The following PER2 variants were observed in gnomAD, a reference collection of about 807,000 sequenced individuals.
PER2 encodes the protein period circadian protein homolog 2.
PER2 carries 66 observed loss-of-function variants against 121.0 expected under a neutral mutation model. That is an observed-to-expected ratio of 0.55 (90% CI 0.45 to 0.67). PER2 has a LOEUF of 0.67. PER2 is among the 30% of genes least tolerant of loss of function. The pLI is 0.00. For missense variants in PER2, 1,521 were observed against 1,635.0 expected, an observed-to-expected ratio of 0.93 and a Z score of 1.20; for synonymous variants, 684 against 659.9, an observed-to-expected ratio of 1.04 and a Z score of -0.56.
At chr2:238,262,083 G>T in intron 11 of PER2, 108 bp downstream of exon 11, 2 of 1,144,080 alleles carry the variant, frequency 1.7e-6, no homozygotes, top group Non-Finnish European at 2.6e-6. Flanking sequence ...CAAGGTTTCG[G>T]TCTTGGCCTC....
intron 19 of PER2, 25 bp from the exon 20 acceptor site, chr2:238,251,786 G>A: frequency 6.4e-7 from 1 of 1,559,624 alleles, no homozygotes; most frequent in Non-Finnish European, 8.8e-7. Context: ...AGCAGATACT[G>A]CTGTTCAGGG....
In PER2 at chr2:238,255,751, C is replaced by T. The variant is rs1204216059; in HGVS notation, c.2226G>A (p.Leu742=). The change falls in exon 18 of 23, where the codon CTG becomes CTA. Residue 742 remains leucine, a synonymous_variant. Transcript: ENST00000254657. ...GTTTTCTTATTTCTTTGAACTTCTG[C>T]AGGAAGCTCTGCTCCTCCTTCTGTG... ...AHTQKEEQSF[L]QKFKEIRKLS... is the part of the protein sequence containing the mutation. The T allele has an allele frequency of 1.2e-6, 2 of 1,614,228 alleles. No individual in the cohort carries two copies. The highest frequency in any genetic ancestry group is 1.7e-6 in the Non-Finnish European group (2 of 1,180,036).
intron 13 of PER2, among the ~76,000 whole-genome samples, chr2:238,260,583 A>G (rs1479519634): frequency 6.6e-6 from 1 of 152,168 alleles, no homozygotes; most frequent in East Asian, 1.9e-4. Context: ...ATCCTAGTTA[A>G]ATCTTCACTT....
rs758674408 is a variant in PER2 at position 238,260,013 on chromosome 2, T to C, written c.1583A>G (p.His528Arg). The C allele has an allele frequency of 6.0e-6, 9 of 1,511,308 alleles. No individual in the cohort carries two copies. The highest frequency in any genetic ancestry group is 1.2e-5 in the South Asian group (1 of 86,844). The allele number at this position is 1,511,308 out of a possible 1,614,324, so 93.6% of individuals were successfully genotyped here. A position where few individuals can be genotyped will look rare whatever the true frequency, so the allele number is the denominator to read the frequency against. The change falls in exon 14 of 23, where the codon CAT (histidine) becomes CGT (arginine). Residue 528 changes from histidine to arginine, a missense_variant. Physicochemically the swap from His to Arg is conservative, Grantham distance 29. Coordinates refer to ENST00000254657, the MANE Select transcript of PER2 (RefSeq NM_022817.3). ...KNGNKTKNRS[H>R]YSHESGEQKK... The stretch of plus-strand genomic sequence containing the variant: ...TTGTTCTCCAGATTCATGAGAATAA[T>C]GACTTCTATTTTTGGTCTTGTTACC...
rs951841147 is a variant in PER2 at position 238,288,561 on chromosome 2, G to A, written c.-232C>T. The stretch of plus-strand genomic sequence containing the variant: ...CGGCGGCGCCTCCGCTGCCCGAGCC[G>A]GCGCTGGGACCCCGACCTGCCCGAG... On this transcript the variant is annotated 5_prime_UTR_variant, in exon 1 of 23. Transcript: ENST00000254657. The A allele has an allele frequency of 6.6e-6, 1 of 151,536 alleles. No individual in the cohort carries two copies. The highest frequency in any genetic ancestry group is 6.6e-5 in the Admixed American group (1 of 15,226). 9.4% of individuals were successfully genotyped at this position (151,536 alleles called of 1,614,324 possible).
At chr2:238,266,048 C>A (rs374169501) in intron 8 of PER2, among the ~76,000 whole-genome samples, 2 of 152,056 alleles carry the variant, frequency 1.3e-5, no homozygotes, top group Non-Finnish European at 2.9e-5. Flanking sequence ...GGACTACAGG[C>A]GTGTGCCACC....
chr2:238,268,822 C>T lies in PER2; in HGVS notation c.824+101G>A, dbSNP rs1696193680. 2.4e-6 allele frequency: 2 copies of T among 847,402 alleles called. No individual in the cohort carries two copies. The highest frequency in any genetic ancestry group is 3.4e-5 in the African/African-American group (2 of 59,678). The allele number at this position is 847,402 out of a possible 1,614,324, so 52.5% of individuals were successfully genotyped here. A position where few individuals can be genotyped will look rare whatever the true frequency, so the allele number is the denominator to read the frequency against. On this transcript the variant is annotated intron_variant, in intron 7 of 22. Transcript: ENST00000254657. The surrounding 1 kb of genome is among the most constrained non-coding windows in gnomAD (Gnocchi z 4.0). Reference sequence around the variant, plus strand: ...ACTTCAGAAACAGGCGTGCTGAGTCCCTGCAGGCAGGGATCACGCCCCCCA... The same window carrying T: ...ACTTCAGAAACAGGCGTGCTGAGTCTCTGCAGGCAGGGATCACGCCCCCCA...
chr2:238,272,014 C>G (rs757025406), intron 5 of PER2, among the ~76,000 whole-genome samples: 3 of 152,188 alleles, frequency 2.0e-5, no homozygotes, highest in Non-Finnish European at 4.4e-5. Flanking sequence ...CATATACTCT[C>G]AGTCTGTAAG....
intron 22 of PER2, among the ~76,000 whole-genome samples, chr2:238,248,813 G>A (rs889500177): frequency 2.0e-5 from 3 of 152,026 alleles, no homozygotes; most frequent in Non-Finnish European, 4.4e-5. Flanking sequence ...CCGCCACCAC[G>A]CCCAGCTAAT....
Position 238,246,614 on chromosome 2 carries a change from C to T in PER2, c.3619-90G>A, listed in dbSNP as rs536148212. On this transcript the variant is annotated intron_variant, in intron 22 of 22. Coordinates refer to ENST00000254657, the MANE Select transcript of PER2 (RefSeq NM_022817.3). ...CAAATTGGCCGGGCGCGGTGGCTCA[C>T]GCCTGTAATCCCAGCACTTTGGGAG... The T allele has an allele frequency of 7.6e-5, 64 of 847,238 alleles. 1 individual carries two copies. Among genetic ancestry groups the T allele is most frequent in the South Asian group, 6.1e-4 (45 of 73,426 alleles). 52.5% of individuals were successfully genotyped at this position (847,238 alleles called of 1,614,324 possible).
chr2:238,256,043 G>C, intron 17 of PER2, 132 bp from the exon 18 acceptor site: 1 of 1,143,326 alleles, frequency 8.7e-7, no homozygotes, highest in Non-Finnish European at 1.3e-6. Flanking sequence ...ATGAGGATGA[G>C]ACTCACAGCG....
intron 8 of PER2, among the ~76,000 whole-genome samples, chr2:238,267,464 G>A (rs1696145625): frequency 6.6e-6 from 1 of 152,232 alleles, no homozygotes; most frequent in Non-Finnish European, 1.5e-5. Flanking sequence ...GGTCCAGAAT[G>A]CTGGGCATAC....
Position 238,253,191 on chromosome 2 carries a change from G to A in PER2, c.2832C>T (p.Ala944=), listed in dbSNP as rs764368089. 4.4e-6 allele frequency: 7 copies of A among 1,594,550 alleles called. No homozygotes were observed. In the African/African-American group the frequency reaches 8.0e-5, roughly 18 times the overall value. Residue 944 remains alanine, a synonymous_variant, in exon 19 of 23, where the codon GCC becomes GCT. Transcript: ENST00000254657. The surrounding 1 kb of genome is among the most constrained non-coding windows in gnomAD (Gnocchi z 5.6). The part of the protein sequence containing the change: ...HPTLTSEMAS[A]SQPEFPSRTS... ...TCCGGCTGGGGAACTCAGGCTGTGAGGCAGAGGCCATCTCGGATGTGAGTG... is the reference window on the plus strand; with the variant it reads ...TCCGGCTGGGGAACTCAGGCTGTGAAGCAGAGGCCATCTCGGATGTGAGTG...
chr2:238,266,628 CTAAG>C (rs1252361539), intron 8 of PER2, among the ~76,000 whole-genome samples: 4 of 152,206 alleles, frequency 2.6e-5, no homozygotes, highest in Non-Finnish European at 5.9e-5. Context: ...TTGTTGAACT[CTAAG>C]TACCCTCTCT....
chr2:238,283,890 G>C (rs995596144), intron 1 of PER2, among the ~76,000 whole-genome samples: 8 of 152,228 alleles, frequency 5.3e-5, no homozygotes, highest in Non-Finnish European at 1.0e-4. Flanking sequence ...TCTGCTCTGA[G>C]TGAGTCATTA....
rs142267174 is a variant in PER2, at chr2:238,253,011, A to G, written c.3012T>C (p.Thr1004=). The G allele has an allele frequency of 1.4e-4, 223 of 1,613,880 alleles. 1 individual carries two copies. The African/African-American group carries it at 2.7e-3, about 20-fold the overall frequency. Residue 1004 remains threonine (T), a synonymous_variant, in exon 19 of 23, where the codon ACT becomes ACC. Transcript: ENST00000254657. This position sits in a 1 kb window ranked among gnomAD's most constrained non-coding sequence, Gnocchi z 5.6. Reference sequence around the variant, plus strand: ...TGGCCCCTGTGGTCCCCATGGCTCCAGTGCCACCCTCAGGGGCTTCCTCCA... The same window carrying G: ...TGGCCCCTGTGGTCCCCATGGCTCCGGTGCCACCCTCAGGGGCTTCCTCCA... ...LQLEEAPEGG[T]GAMGTTGATE...
intron 16 of PER2, 127 bp from the exon 17 acceptor site, chr2:238,257,213 C>G: frequency 1.4e-6 from 1 of 736,260 alleles, no homozygotes; most frequent in South Asian, 1.7e-5. Context: ...CCATCCCATC[C>G]CACAGATGCT....
rs370871467 is a variant in PER2 at position 238,257,040 on chromosome 2, C to A, written c.1947G>T (p.Thr649=). Residue 649 remains threonine, a synonymous_variant, in exon 17 of 23, where the codon ACG becomes ACT. Transcript: ENST00000254657. ...CCGGCAGTGCCAGCGAGGTCAGGTG[C>A]GTACCTACTCCCGTGCGGCTGTTCA... ...SRVNSRTGVG[T]HLTSLALPGK... 3 of 1,613,354 alleles carry A rather than the reference C, an allele frequency of 1.9e-6. No homozygotes were observed. The highest frequency in any genetic ancestry group is 2.5e-6 in the Non-Finnish European group (3 of 1,179,920).
At position 238,260,912 on chromosome 2, in the gene PER2, G is replaced by GC; in HGVS notation, c.1457dup (p.Ser487GlnfsTer21). The GC allele has an allele frequency of 2.5e-6, 4 of 1,613,454 alleles. No homozygotes were observed. Among genetic ancestry groups the GC allele is most frequent in the Non-Finnish European group, 3.4e-6 (4 of 1,179,986 alleles). ...TAAGGTGCTCGTGGGACCCGTTGCT[G>GC]CCCAGACTCCCGTAGCCACTGGAGC... On this transcript the variant is annotated frameshift_variant, in exon 13 of 23. Coordinates refer to ENST00000254657, the MANE Select transcript of PER2 (RefSeq NM_022817.3). LOFTEE classifies it high-confidence loss of function.
Sources: allele counts gnomAD v4.1 joint callset (sites outside exome capture counted in the v4.1 genomes callset), GRCh38; gene constraint gnomAD v4.1.1; non-coding constraint Gnocchi (gnomAD v3.1); transcripts MANE v1.5; gene names NCBI Gene and HGNC (gene_info 2026-07-23, HGNC 2026-07-21).